The following CDK14 variants were observed in gnomAD, a reference collection of about 807,000 sequenced individuals.
The protein encoded by CDK14 is cyclin-dependent kinase 14.
CDK14 carries 34 observed loss-of-function variants against 60.7 expected under a neutral mutation model. The ratio of observed to expected loss-of-function variants is 0.56; its 90% CI spans 0.43 to 0.75. The LOEUF (loss-of-function observed/expected upper bound fraction) is 0.75, where lower values mean the gene tolerates loss of function less well. Ranked by LOEUF, CDK14 falls within the 30% of genes least tolerant of loss-of-function variation. The pLI, the probability that CDK14 is intolerant of heterozygous loss-of-function variation, is 0.00. For synonymous variants in CDK14, 197 were observed against 203.7 expected (o/e 0.97, Z 0.28); for missense variants, 482 against 564.1 (o/e 0.85, Z 1.47).
intron 10 of CDK14, among the ~76,000 whole-genome samples, chr7:91,014,835 C>G (rs745426911): frequency 5.9e-5 from 9 of 152,112 alleles, no homozygotes; most frequent in Non-Finnish European, 1.2e-4. Context: ...CTGTATGGAC[C>G]GACCATTTCT....
At chr7:90,842,794 T>G (rs1790340546) in intron 5 of CDK14, among the ~76,000 whole-genome samples, 1 of 152,186 alleles carries the variant, frequency 6.6e-6, no homozygotes, top group Non-Finnish European at 1.5e-5. Flanking sequence ...ATTGCAAAAG[T>G]TGGTACCTGG....
intron 3 of CDK14, among the ~76,000 whole-genome samples, chr7:90,744,806 G>A (rs1465071128): frequency 7.8e-6 from 1 of 127,792 alleles, no homozygotes; most frequent in Non-Finnish European, 1.7e-5. Flanking sequence ...GCGGCTGGCC[G>A]GGCGGGGGGC....
At chr7:90,686,321 TTAGGG>T (rs1434339335) in intron 2 of CDK14, among the ~76,000 whole-genome samples, 4 of 152,160 alleles carry the variant, frequency 2.6e-5, no homozygotes, top group African/African-American at 9.7e-5. Context: ...CTTTTTCCAA[TTAGGG>T]AAGATTTTAC....
intron 10 of CDK14, among the ~76,000 whole-genome samples, chr7:91,014,930 A>G (rs1333550213): frequency 6.6e-6 from 1 of 152,180 alleles, no homozygotes; most frequent in East Asian, 1.9e-4. Context: ...CCTTGTTGAT[A>G]TGAAAATTCA....
At chr7:90,862,825 A>G (rs994110855) in intron 5 of CDK14, among the ~76,000 whole-genome samples, 2 of 152,182 alleles carry the variant, frequency 1.3e-5, no homozygotes, top group Non-Finnish European at 2.9e-5. Context: ...ATGAAACCTA[A>G]CTAGAGATTA....
intron 6 of CDK14, among the ~76,000 whole-genome samples, chr7:90,881,581 A>G (rs776932603): frequency 6.6e-6 from 1 of 152,210 alleles, no homozygotes; most frequent in Non-Finnish European, 1.5e-5. Context: ...CAGGAAATAC[A>G]GAGAACACCA....
At chr7:90,997,790 A>T (rs1340575682) in intron 10 of CDK14, among the ~76,000 whole-genome samples, 2 of 152,172 alleles carry the variant, frequency 1.3e-5, no homozygotes, top group African/African-American at 4.8e-5. Flanking sequence ...ATATATGCAC[A>T]TTTAATTTGA....
At chr7:90,729,244 C>A (rs1802756710) in intron 3 of CDK14, among the ~76,000 whole-genome samples, 1 of 149,684 alleles carries the variant, frequency 6.7e-6, no homozygotes, top group African/African-American at 2.5e-5. Context: ...GTAGCCCCAA[C>A]TTGAACTTCA....
intron 11 of CDK14, among the ~76,000 whole-genome samples, chr7:91,061,773 A>G (rs1584277786): frequency 2.0e-5 from 3 of 152,310 alleles, no homozygotes; most frequent in East Asian, 3.9e-4. Flanking sequence ...TTTGTCTCAG[A>G]GGAGTACCCG....
In CDK14 at chr7:91,203,332, C is replaced by T. The variant is rs541219590; in HGVS notation, c.*29-3833C>T. Reference sequence around the variant, plus strand: ...AAGTCTTCTGATTCTACAATTTCCCCTTTATTCATTCAACAACTGTATATT... The same window carrying T: ...AAGTCTTCTGATTCTACAATTTCCCTTTTATTCATTCAACAACTGTATATT... On this transcript the variant is annotated intron_variant, in intron 14 of 14. Transcript: ENST00000380050. Among the ~76,000 whole-genome samples the T allele has an allele frequency of 9.8e-5, 15 of 152,294 alleles. No homozygotes were observed. In the East Asian group the frequency reaches 1.9e-3, roughly 20 times the overall value.
At chr7:91,010,817 C>CTTCCTTCT (rs1796133605) in intron 10 of CDK14, among the ~76,000 whole-genome samples, 1 of 102,062 alleles carries the variant, frequency 9.8e-6, no homozygotes, top group Non-Finnish European at 2.0e-5. Context: ...TCCTTCCTTC[C>CTTCCTTCT]TTCCTTCCTT....
At chr7:90,749,424 A>T (rs1489367755) in intron 4 of CDK14, among the ~76,000 whole-genome samples, 1 of 152,090 alleles carries the variant, frequency 6.6e-6, no homozygotes, top group Non-Finnish European at 1.5e-5. Context: ...TTTCTGCTTT[A>T]CATCCAGGCA....
At chr7:91,032,123 G>A (rs1192807798) in intron 10 of CDK14, among the ~76,000 whole-genome samples, 1 of 152,144 alleles carries the variant, frequency 6.6e-6, no homozygotes, top group South Asian at 2.1e-4. Flanking sequence ...GGGCACCTAG[G>A]CAGGGTCCCC....
At chr7:90,907,979 C>G (rs1411864976) in intron 7 of CDK14, among the ~76,000 whole-genome samples, 1 of 152,084 alleles carries the variant, frequency 6.6e-6, no homozygotes, top group East Asian at 1.9e-4. Context: ...TAATAATTTC[C>G]TACTACACAT....
At chr7:90,824,808 G>A (rs2117089147) in intron 5 of CDK14, 1 of 152,308 alleles carries the variant, frequency 6.6e-6, no homozygotes, top group South Asian at 2.1e-4. Flanking sequence ...TAGATGTGGT[G>A]ATGGTAATAA....
chr7:90,939,319 T>TA (rs1365931587), intron 8 of CDK14, among the ~76,000 whole-genome samples: 1 of 152,230 alleles, frequency 6.6e-6, no homozygotes, highest in East Asian at 1.9e-4. Context: ...TAAGATTTCT[T>TA]ACTGTAATTC....
intron 14 of CDK14, among the ~76,000 whole-genome samples, chr7:91,175,172 A>C (rs1801684890): frequency 6.6e-6 from 1 of 151,648 alleles, no homozygotes; most frequent in African/African-American, 2.4e-5. Flanking sequence ...TAAAGAAAAG[A>C]ATTTTCAACC....
intron 10 of CDK14, among the ~76,000 whole-genome samples, chr7:91,033,594 A>G (rs1433228248): frequency 2.6e-5 from 4 of 152,204 alleles, no homozygotes; most frequent in Admixed American, 2.6e-4. Context: ...CTGCTAGTTC[A>G]TGGACCACAC....
At chr7:90,963,496 G>T (rs2117599740) in intron 9 of CDK14, among the ~76,000 whole-genome samples, 1 of 152,082 alleles carries the variant, frequency 6.6e-6, no homozygotes, top group South Asian at 2.1e-4. Context: ...GTGCTTTCGT[G>T]TTGTAAGTTG....
Sources: gnomAD v4.1 joint callset for allele counts (sites outside exome capture counted in the v4.1 genomes callset) on GRCh38, gnomAD v4.1.1 for gene constraint, MANE v1.5 for transcripts, NCBI Gene and HGNC (gene_info 2026-07-23, HGNC 2026-07-21) for gene names.